PRDM11: variants seen among roughly 807,000 people sequenced by gnomAD.
PRDM11 encodes the protein PR domain-containing protein 11.
Under a neutral mutation model 97.8 loss-of-function variants are expected in PRDM11, and 20 were observed. The ratio of observed to expected loss-of-function variants is 0.20; its 90% confidence interval spans 0.14 to 0.30. The LOEUF is 0.30. Ranked by LOEUF, PRDM11 falls within the 10% of genes least tolerant of loss-of-function variation. The probability of loss-of-function intolerance (pLI) is 1.00; values close to 1 mark genes in which losing one functional copy is unlikely to be tolerated. For missense variants in PRDM11, 1,139 were observed against 1,555.2 expected (o/e 0.73, Z 4.50); for synonymous variants, 599 against 637.7 (o/e 0.94, Z 0.91).
At chr11:45,214,279 G>C (rs1853888112) in intron 5 of PRDM11, 1 of 156,340 alleles carries the variant, frequency 6.4e-6, no homozygotes, top group Non-Finnish European at 1.4e-5. Context: ...GCAGGTGGCA[G>C]ATACAAGCTT....
rs56367204 is a variant in PRDM11, at chr11:45,119,619, C to CAAA, written c.96+23746_96+23748dup. On this transcript the variant is annotated intron_variant, in intron 1 of 6. Coordinates refer to the PRDM11 transcript ENST00000530656. ...CCTGGGTGACAGCGAGATTCTGTCT[C>CAAA]AAAAAAAAAAAAAAAAAAAAAAAAA... Among the ~76,000 whole-genome samples, 67 of 43,056 alleles carry CAAA rather than the reference C, an allele frequency of 1.6e-3. 2 individuals are homozygous for CAAA. The highest frequency in any genetic ancestry group is 5.7e-3 in the African/African-American group (43 of 7,500). 28.2% of individuals were successfully genotyped at this position (43,056 alleles called of 152,430 possible). A position where few individuals can be genotyped will look rare whatever the true frequency, so the allele number is the denominator to read the frequency against.
chr11:45,149,701 G>C (rs1021555482), intron 1 of PRDM11, among the ~76,000 whole-genome samples: 1 of 152,264 alleles, frequency 6.6e-6, no homozygotes, highest in Non-Finnish European at 1.5e-5. Context: ...GCAACTGGTA[G>C]TAAGGCGGGA....
At chr11:45,164,411 C>T (rs1465716471) in intron 1 of PRDM11, among the ~76,000 whole-genome samples, 1 of 152,270 alleles carries the variant, frequency 6.6e-6, no homozygotes, top group Non-Finnish European at 1.5e-5. Context: ...GCATAAATTA[C>T]TCGGCAGCCT....
chr11:45,190,054 G>A (rs1481271876), intron 4 of PRDM11, among the ~76,000 whole-genome samples: 1 of 152,002 alleles, frequency 6.6e-6, no homozygotes, highest in Non-Finnish European at 1.5e-5. Context: ...ACACCTGCCT[G>A]TAGATTCATC....
chr11:45,218,544 T>C (rs981781742), intron 5 of PRDM11, among the ~76,000 whole-genome samples: 1 of 152,274 alleles, frequency 6.6e-6, no homozygotes, highest in Non-Finnish European at 1.5e-5. Context: ...TTTTGTCCCT[T>C]GTTTTTGAGA....
intron 1 of PRDM11, among the ~76,000 whole-genome samples, chr11:45,163,186 TC>T (rs1434807779): frequency 6.6e-6 from 1 of 152,138 alleles, no homozygotes; most frequent in African/African-American, 2.4e-5. Context: ...GTCTTGGTCT[TC>T]CTCCGGGCAA....
At chr11:45,178,061 G>A (rs892947660) in intron 1 of PRDM11, among the ~76,000 whole-genome samples, 12 of 152,080 alleles carry the variant, frequency 7.9e-5, no homozygotes, top group African/African-American at 2.9e-4. Context: ...GGTTTGCTGG[G>A]AATGATTTAA....
At chr11:45,100,643 G>C (rs2135594403) in intron 1 of PRDM11, among the ~76,000 whole-genome samples, 1 of 152,314 alleles carries the variant, frequency 6.6e-6, no homozygotes, top group South Asian at 2.1e-4. Flanking sequence ...ACATCAGAGA[G>C]GTTATTTGCA....
intron 1 of PRDM11, among the ~76,000 whole-genome samples, chr11:45,101,692 T>A: frequency 1.0e-5 from 1 of 99,740 alleles, no homozygotes; most frequent in South Asian, 4.0e-4. Context: ...GAAGAAGGCG[T>A]TCAGGGCTCA....
Position 45,181,824 on chromosome 11 carries a change from G to C in PRDM11, c.58G>C (p.Val20Leu), listed in dbSNP as rs1852514507. ...AQTNAAVGDM[V>L]TVVKTEVCSP... ...GACCAATGCAGCCGTGGGGGATATG[G>C]TGACGGTGGTGAAGACGGAGGTCTG... is the stretch of plus-strand genomic sequence containing the variant. Residue 20 changes from valine (V) to leucine (L), a missense_variant, in exon 2 of 8, where the codon GTG (valine) becomes CTG (leucine). Around this residue, in one of 2 missense-constraint regions of PRDM11, gnomAD observed 429 missense variants for 510.3 expected, o/e 0.84. Coordinates refer to ENST00000683152, the MANE Select transcript of PRDM11 (RefSeq NM_001384648.1). The C allele has an allele frequency of 6.2e-6, 10 of 1,613,604 alleles. No individual in the cohort carries two copies. The East Asian group carries it at 2.2e-4, about 36-fold the overall frequency.
At chr11:45,108,271 C>T (rs756603078) in intron 1 of PRDM11, among the ~76,000 whole-genome samples, 13 of 152,154 alleles carry the variant, frequency 8.5e-5, no homozygotes, top group Non-Finnish European at 1.5e-4. Context: ...GAGTGTGACC[C>T]GCTGCCCTGC....
In PRDM11 at chr11:45,219,624, C is replaced by T. The variant is rs140694470; in HGVS notation, c.609C>T (p.His203=). 1 of 1,614,020 alleles carries T rather than the reference C, an allele frequency of 6.2e-7. No individual in the cohort carries two copies. Among genetic ancestry groups the T allele is most frequent in the Non-Finnish European group, 8.5e-7 (1 of 1,180,024 alleles). ...EREQNLLAFQ[H]SERIYFRACR... The stretch of plus-strand genomic sequence containing the variant: ...AGCAGAACCTGCTGGCGTTCCAGCA[C>T]AGTGAGCGCATCTACTTCCGGGCGT... Residue 203 remains histidine, a synonymous_variant, in exon 6 of 8, where the codon CAC becomes CAT. Coordinates refer to ENST00000683152, the MANE Select transcript of PRDM11 (RefSeq NM_001384648.1). The surrounding 1 kb of genome is among the most constrained non-coding windows in gnomAD (Gnocchi z 4.2).
intron 1 of PRDM11, among the ~76,000 whole-genome samples, chr11:45,117,809 G>A (rs149583212): frequency 1.8e-4 from 27 of 152,292 alleles, no homozygotes; most frequent in African/African-American, 2.4e-5. Flanking sequence ...GGTATTGGCT[G>A]CAAATAGTGA....
At chr11:45,095,044 G>A (rs1416180623), upstream of PRDM11, among the ~76,000 whole-genome samples, 4 of 152,092 alleles carry the variant, frequency 2.6e-5, no homozygotes, top group African/African-American at 4.8e-5. Context: ...GAACTGGGCC[G>A]GCTGGCCTTG....
At chr11:45,204,970 G>A (rs1342585749) in intron 5 of PRDM11, among the ~76,000 whole-genome samples, 192 bp downstream of exon 5, 2 of 152,184 alleles carry the variant, frequency 1.3e-5, no homozygotes, top group African/African-American at 4.8e-5. Context: ...CTAGAGGACG[G>A]CGTGTGGTCA....
intron 4 of PRDM11, among the ~76,000 whole-genome samples, chr11:45,186,715 G>T (rs1391864971): frequency 6.6e-6 from 1 of 152,168 alleles, no homozygotes; most frequent in Non-Finnish European, 1.5e-5. Flanking sequence ...AAGTCTGGTT[G>T]CCCACTGAGC....
At chr11:45,135,083 A>G (rs1565250190) in intron 1 of PRDM11, among the ~76,000 whole-genome samples, 1 of 152,156 alleles carries the variant, frequency 6.6e-6, no homozygotes, top group Non-Finnish European at 1.5e-5. Flanking sequence ...CCTGGGCAAC[A>G]TAGTGAGACC....
intron 1 of PRDM11, among the ~76,000 whole-genome samples, chr11:45,150,435 C>A (rs1851632217): frequency 6.6e-6 from 1 of 152,226 alleles, no homozygotes; most frequent in Non-Finnish European, 1.5e-5. Context: ...AGTTGCTCAC[C>A]AAACACCTTC....
At chr11:45,156,258 G>A (rs755489893) in intron 1 of PRDM11, among the ~76,000 whole-genome samples, 3 of 152,202 alleles carry the variant, frequency 2.0e-5, no homozygotes, top group Admixed American at 1.3e-4. Flanking sequence ...GCCTTTATGC[G>A]GCCACTTGAA....
Sources: gnomAD v4.1 joint callset for allele counts (sites outside exome capture counted in the v4.1 genomes callset) on GRCh38, gnomAD v4.1.1 for gene constraint, gnomAD v4.1.1 regional missense constraint, Gnocchi (gnomAD v3.1) non-coding constraint, MANE v1.5 for transcripts, NCBI Gene and HGNC (gene_info 2026-07-23, HGNC 2026-07-21) for gene names.